The following ARHGAP31 variants were observed in gnomAD, a reference collection of about 807,000 sequenced individuals.
ARHGAP31 encodes Rho GTPase activating protein 31, also known as rho GTPase-activating protein 31.
A neutral mutation model predicts 113.9 loss-of-function variants in ARHGAP31; 34 were observed. That is an observed-to-expected ratio of 0.30 (90% CI 0.23 to 0.40). The LOEUF is 0.40. Among genes scored for constraint, ARHGAP31 ranks in the 10% least tolerant of loss-of-function variants. ARHGAP31 has a pLI of 1.00. For missense variants in ARHGAP31, 1,548 were observed against 1,767.1 expected, an observed-to-expected ratio of 0.88 and a Z score of 2.22; for synonymous variants, 650 against 684.8, an observed-to-expected ratio of 0.95 and a Z score of 0.79.
At chr3:119,310,587 C>G (rs777293542) in intron 1 of ARHGAP31, among the ~76,000 whole-genome samples, 3 of 152,150 alleles carry the variant, frequency 2.0e-5, no homozygotes, top group Non-Finnish European at 4.4e-5. Flanking sequence ...GAACTGCGCA[C>G]GAGGGATTTA....
At chr3:119,310,428 A>C (rs973028666) in intron 1 of ARHGAP31, among the ~76,000 whole-genome samples, 2 of 152,170 alleles carry the variant, frequency 1.3e-5, no homozygotes, top group African/African-American at 4.8e-5. Context: ...GGGGTCCCCA[A>C]ACCTCAGGCT....
At chr3:119,330,012 T>A in intron 1 of ARHGAP31, 1 of 985,396 alleles carries the variant, frequency 1.0e-6, no homozygotes, top group Non-Finnish European at 1.2e-6. Context: ...CATCGGTGAC[T>A]CCATTTGCCA....
At chr3:119,340,978 C>CA (rs1407932488) in intron 1 of ARHGAP31, among the ~76,000 whole-genome samples, 7 of 152,182 alleles carry the variant, frequency 4.6e-5, no homozygotes, top group Admixed American at 6.6e-5. Flanking sequence ...CAAATGCCTG[C>CA]ATGAGCTTTC....
In ARHGAP31 at chr3:119,420,032, T is replaced by A. The variant is rs537211045; in HGVS notation, c.*3768T>A. ...CCAAGATAAACTGTTCAATTCAAGA[T>A]AAATTGTTCTTGTCAGTGTTTGGCA... is the stretch of plus-strand genomic sequence containing the variant. On this transcript the variant is annotated 3_prime_UTR_variant, in exon 12 of 12. Transcript: ENST00000264245. 11 of 152,338 alleles carry A rather than the reference T, an allele frequency of 7.2e-5. No individual in the cohort carries two copies. The highest frequency in any genetic ancestry group is 4.8e-5 in the African/African-American group (2 of 41,566). 9.4% of individuals were successfully genotyped at this position (152,338 alleles called of 1,614,324 possible). A position where few individuals can be genotyped will look rare whatever the true frequency, so the allele number is the denominator to read the frequency against.
At chr3:119,353,057 T>C (rs1307329369) in intron 1 of ARHGAP31, among the ~76,000 whole-genome samples, 1 of 152,228 alleles carries the variant, frequency 6.6e-6, no homozygotes, top group Non-Finnish European at 1.5e-5. Flanking sequence ...GTATATTGCG[T>C]CACGTCAATT....
chr3:119,391,679 T>C (rs1419566301), intron 7 of ARHGAP31, among the ~76,000 whole-genome samples: 2 of 134,626 alleles, frequency 1.5e-5, no homozygotes, highest in East Asian at 2.4e-4. Flanking sequence ...AGATTGTAGG[T>C]GGAGGGGCTG....
At chr3:119,311,645 G>A (rs1216838252) in intron 1 of ARHGAP31, among the ~76,000 whole-genome samples, 1 of 152,198 alleles carries the variant, frequency 6.6e-6, no homozygotes, top group Non-Finnish European at 1.5e-5. Context: ...GAATAGAGTG[G>A]CGATTATGGG....
chr3:119,337,060 A>G (rs1405337460), intron 1 of ARHGAP31, among the ~76,000 whole-genome samples: 1 of 152,206 alleles, frequency 6.6e-6, no homozygotes, highest in Non-Finnish European at 1.5e-5. Context: ...CAGTTGATGG[A>G]CATTTGAATT....
chr3:119,375,095 A>C (rs1559983956), intron 3 of ARHGAP31, among the ~76,000 whole-genome samples: 1 of 151,528 alleles, frequency 6.6e-6, no homozygotes, highest in Non-Finnish European at 1.5e-5. Context: ...GGGATTTTTT[A>C]TTTTCTGCAG....
At chr3:119,402,629 C>A (rs1257138186) in intron 10 of ARHGAP31, among the ~76,000 whole-genome samples, 1 of 152,112 alleles carries the variant, frequency 6.6e-6, no homozygotes, top group East Asian at 1.9e-4. Flanking sequence ...GTTAATAATA[C>A]CTTTTTCATA....
At chr3:119,320,992 A>G (rs1339459735) in intron 1 of ARHGAP31, among the ~76,000 whole-genome samples, 1 of 152,118 alleles carries the variant, frequency 6.6e-6, no homozygotes, top group African/African-American at 2.4e-5. Flanking sequence ...GAGTGCCTTT[A>G]ATCTTCCACC....
In ARHGAP31 at chr3:119,416,424, T is replaced by C. The variant is rs1005413134; in HGVS notation, c.*160T>C. The C allele has an allele frequency of 5.4e-5, 56 of 1,038,252 alleles. No individual in the cohort carries two copies. Among genetic ancestry groups the C allele is most frequent in the Non-Finnish European group, 8.0e-5 (56 of 702,632 alleles). 64.3% of individuals were successfully genotyped at this position (1,038,252 alleles called of 1,614,324 possible). A position where few individuals can be genotyped will look rare whatever the true frequency, so the allele number is the denominator to read the frequency against. ...TTTTGACCACTTATTAATTAGTCCA[T>C]TTGCTAGAAGAGTGGTCAAGGGAAA... is the stretch of plus-strand genomic sequence containing the variant. On this transcript the variant is annotated 3_prime_UTR_variant, in exon 12 of 12. Coordinates refer to ENST00000264245, the MANE Select transcript of ARHGAP31 (RefSeq NM_020754.4).
intron 10 of ARHGAP31, among the ~76,000 whole-genome samples, chr3:119,405,989 G>A (rs895825057): frequency 6.6e-6 from 1 of 152,220 alleles, no homozygotes; most frequent in African/African-American, 2.4e-5. Flanking sequence ...CATGGTATGG[G>A]AAAGCTACAA....
At chr3:119,351,486 T>C (rs1031288021) in intron 1 of ARHGAP31, among the ~76,000 whole-genome samples, 2 of 152,206 alleles carry the variant, frequency 1.3e-5, no homozygotes, top group Admixed American at 1.3e-4. Context: ...ACAAGTTGTC[T>C]AACCATACAG....
chr3:119,368,495 T>C lies in ARHGAP31; in HGVS notation c.327T>C (p.Tyr109=), dbSNP rs751775283. The change falls in exon 3 of 12, where the codon TAT becomes TAC. Residue 109 remains tyrosine, a synonymous_variant. Coordinates refer to ENST00000264245, the MANE Select transcript of ARHGAP31 (RefSeq NM_020754.4). ...FRELPNPLLT[Y]ELYEKFTEAV... is the part of the protein sequence containing the mutation. ...AGCTGCCCAACCCCCTCCTGACTTA[T>C]GAGCTCTATGAGAAATTCACGGTGA... 4 of 1,613,810 alleles carry C rather than the reference T, an allele frequency of 2.5e-6. No homozygotes were observed. Among genetic ancestry groups the C allele is most frequent in the African/African-American group, 1.3e-5 (1 of 74,902 alleles).
chr3:119,401,695 C>T, intron 9 of ARHGAP31, 127 bp from the exon 10 acceptor site: 8 of 829,106 alleles, frequency 9.6e-6, no homozygotes, highest in South Asian at 8.7e-5. Flanking sequence ...TTTATCTGGG[C>T]GGTTATGCCC....
chr3:119,412,880 G>A (rs371408400), intron 11 of ARHGAP31, among the ~76,000 whole-genome samples: 6 of 151,358 alleles, frequency 4.0e-5, no homozygotes, highest in Non-Finnish European at 7.4e-5. Context: ...AAAATTAGCC[G>A]GGTGGCACAG....
At chr3:119,384,740 A>C (rs776970175) in intron 6 of ARHGAP31, among the ~76,000 whole-genome samples, 1 of 152,180 alleles carries the variant, frequency 6.6e-6, no homozygotes, top group Non-Finnish European at 1.5e-5. Flanking sequence ...TTGGGGATCA[A>C]GTTCCCAACA....
At chr3:119,395,177 T>A (rs543616367) in intron 8 of ARHGAP31, among the ~76,000 whole-genome samples, 1 of 152,344 alleles carries the variant, frequency 6.6e-6, no homozygotes, top group East Asian at 1.9e-4. Flanking sequence ...TTTAACGACT[T>A]TCCTCAAACC....
Sources: allele counts gnomAD v4.1 joint callset (sites outside exome capture counted in the v4.1 genomes callset), GRCh38; gene constraint gnomAD v4.1.1; transcripts MANE v1.5; gene names NCBI Gene and HGNC (gene_info 2026-07-23, HGNC 2026-07-21).